OXR1: variants seen among roughly 807,000 people sequenced by gnomAD.
OXR1 encodes oxidation resistance 1.
In OXR1, 41 loss-of-function variants were observed where a neutral mutation model predicts 104.6. The observed-to-expected ratio is 0.39, with a 90% confidence interval of 0.31 to 0.51. The LOEUF is 0.51. OXR1 is among the 20% of genes least tolerant of loss of function. The pLI is 0.77. For missense variants in OXR1, 955 were observed against 1,031.9 expected (o/e 0.93, Z 1.02); for synonymous variants, 348 against 348.4 (o/e 1.00, Z 0.01).
chr8:106,685,526 G>A lies in OXR1; in HGVS notation c.525+1167G>A, dbSNP rs979695418. On this transcript the variant is annotated intron_variant, in intron 6 of 16. Coordinates refer to ENST00000517566, the MANE Select transcript of OXR1 (RefSeq NM_001198533.2). ...AACAAGGCCAGGCCTCAACCTGTGT[G>A]AAAATGTACCCCTTCTTACTTTTGC... Among the ~76,000 whole-genome samples, 6 of 152,234 alleles carry A rather than the reference G, an allele frequency of 3.9e-5. No homozygotes were observed. In the East Asian group the frequency reaches 1.2e-3, roughly 29 times the overall value.
At chr8:106,518,846 G>T in intron 2 of OXR1, 97 bp from the exon 3 acceptor site, 1 of 812,762 alleles carries the variant, frequency 1.2e-6, no homozygotes, top group South Asian at 2.1e-5. Flanking sequence ...CTATCTCAAG[G>T]TTAAATATAA....
intron 3 of OXR1, among the ~76,000 whole-genome samples, chr8:106,568,417 C>A (rs551127120): frequency 1.3e-5 from 2 of 152,194 alleles, no homozygotes; most frequent in East Asian, 3.9e-4. Flanking sequence ...TGAAACCTTC[C>A]ATCCTCTCCT....
chr8:106,658,856 G>A (rs1306958887), intron 3 of OXR1, among the ~76,000 whole-genome samples: 2 of 152,080 alleles, frequency 1.3e-5, no homozygotes, highest in Non-Finnish European at 2.9e-5. Flanking sequence ...CATTTGTAGC[G>A]ACATGATATT....
At chr8:106,513,515 A>C (rs999060078) in intron 2 of OXR1, among the ~76,000 whole-genome samples, 3 of 152,150 alleles carry the variant, frequency 2.0e-5, no homozygotes, top group African/African-American at 7.2e-5. Flanking sequence ...TGCATACCAC[A>C]TAAGGGACTT....
Position 106,713,816 on chromosome 8 carries a change from C to T in OXR1, c.1794-7C>T, listed in dbSNP as rs542579205. The T allele has an allele frequency of 2.7e-5, 40 of 1,502,914 alleles. No homozygotes were observed. In the South Asian group the frequency reaches 4.8e-4, roughly 18 times the overall value. 93.1% of individuals were successfully genotyped at this position (1,502,914 alleles called of 1,614,324 possible). On this transcript the variant is annotated splice_region_variant and splice_polypyrimidine_tract_variant and intron_variant, in intron 10 of 16. Transcript: ENST00000517566. ...CTAGGTATATTAATAGTCACTTCTCCTAACAGGACAGATCACTTGTATGCC... is the reference window on the plus strand; with the variant it reads ...CTAGGTATATTAATAGTCACTTCTCTTAACAGGACAGATCACTTGTATGCC...
chr8:106,564,462 A>G (rs1816927468), intron 3 of OXR1, among the ~76,000 whole-genome samples: 1 of 152,048 alleles, frequency 6.6e-6, no homozygotes, highest in Admixed American at 6.6e-5. Context: ...ATAGACCAAT[A>G]ACAAGTTCTG....
chr8:106,737,659 T>G, intron 12 of OXR1, 59 bp downstream of exon 12: 2 of 595,506 alleles, frequency 3.4e-6, no homozygotes, highest in Non-Finnish European at 2.6e-6. Context: ...TTTTTAGTGT[T>G]CTTTGTCATG....
At chr8:106,306,153 C>T (rs746692260) in intron 1 of OXR1, among the ~76,000 whole-genome samples, 2 of 151,920 alleles carry the variant, frequency 1.3e-5, no homozygotes, top group Non-Finnish European at 2.9e-5. Context: ...TGGTTCTCCT[C>T]TGGGAACATC....
chr8:106,708,679 G>A (rs549338539), intron 9 of OXR1, among the ~76,000 whole-genome samples: 29 of 152,202 alleles, frequency 1.9e-4, no homozygotes, highest in Middle Eastern at 3.4e-3. Flanking sequence ...TTTGTTGCTG[G>A]ACATTTTGGT....
At chr8:106,610,209 T>G (rs1820712725) in intron 3 of OXR1, among the ~76,000 whole-genome samples, 1 of 151,994 alleles carries the variant, frequency 6.6e-6, no homozygotes, top group Non-Finnish European at 1.5e-5. Flanking sequence ...CCAACACTGC[T>G]ACAATCCAAA....
chr8:106,492,233 A>G (rs1563558595), intron 2 of OXR1, among the ~76,000 whole-genome samples: 1 of 152,188 alleles, frequency 6.6e-6, no homozygotes, highest in Non-Finnish European at 1.5e-5. Context: ...TCTGACTGCT[A>G]TTTAACTCAT....
At chr8:106,662,961 A>C (rs1373511030) in intron 3 of OXR1, among the ~76,000 whole-genome samples, 3 of 152,172 alleles carry the variant, frequency 2.0e-5, no homozygotes, top group African/African-American at 7.2e-5. Context: ...TTGAGGGCCT[A>C]CATGATGCTC....
intron 1 of OXR1, among the ~76,000 whole-genome samples, chr8:106,345,659 GA>G (rs1815447108): frequency 6.6e-6 from 1 of 152,146 alleles, no homozygotes; most frequent in African/African-American, 2.4e-5. Context: ...TGTATTAAAA[GA>G]AATATTGGTG....
At chr8:106,447,663 T>C (rs1028075927) in intron 2 of OXR1, among the ~76,000 whole-genome samples, 2 of 152,222 alleles carry the variant, frequency 1.3e-5, no homozygotes, top group Non-Finnish European at 2.9e-5. Context: ...AGTCTGATAA[T>C]GGGCACTATC....
At chr8:106,711,012 A>G (rs536878919) in intron 10 of OXR1, among the ~76,000 whole-genome samples, 1 of 152,256 alleles carries the variant, frequency 6.6e-6, no homozygotes, top group Non-Finnish European at 1.5e-5. Context: ...ACAAATATCC[A>G]ATTTGGGTAG....
chr8:106,481,926 GA>G (rs1822144287), intron 2 of OXR1, among the ~76,000 whole-genome samples: 2 of 151,880 alleles, frequency 1.3e-5, no homozygotes, highest in South Asian at 4.1e-4. Context: ...GGGCTTCCAT[GA>G]GCAGAATATG....
At chr8:106,340,636 A>T (rs1471037151) in intron 1 of OXR1, among the ~76,000 whole-genome samples, 1 of 152,124 alleles carries the variant, frequency 6.6e-6, no homozygotes, top group Non-Finnish European at 1.5e-5. Context: ...CTCCCCTAGG[A>T]TATAAATCAG....
At chr8:106,535,564 A>G (rs1295484573) in intron 3 of OXR1, among the ~76,000 whole-genome samples, 1 of 152,172 alleles carries the variant, frequency 6.6e-6, no homozygotes, top group Non-Finnish European at 1.5e-5. Context: ...CTCCTGAGCT[A>G]TCTATTCTAT....
chr8:106,415,619 G>C (rs1253373988), intron 2 of OXR1, among the ~76,000 whole-genome samples: 1 of 151,134 alleles, frequency 6.6e-6, no homozygotes, highest in Non-Finnish European at 1.5e-5. Context: ...CTTCCTTCTC[G>C]GGAACAGCTC....
Sources: gnomAD v4.1 joint callset for allele counts (sites outside exome capture counted in the v4.1 genomes callset) on GRCh38, gnomAD v4.1.1 for gene constraint, MANE v1.5 for transcripts, NCBI Gene and HGNC (gene_info 2026-07-23, HGNC 2026-07-21) for gene names.